WASHC5: variants seen among roughly 807,000 people sequenced by gnomAD.
The protein encoded by WASHC5 is WASH complex subunit strumpellin.
A neutral mutation model predicts 150.4 loss-of-function variants in WASHC5; 101 were observed. The ratio of observed to expected loss-of-function variants is 0.67; its 90% CI spans 0.57 to 0.79. The LOEUF (loss-of-function observed/expected upper bound fraction) is 0.79, where lower values mean the gene tolerates loss of function less well. Ranked by LOEUF, WASHC5 falls within the 30% of genes least tolerant of loss-of-function variation. WASHC5 has a pLI of 0.00. For missense variants in WASHC5, 1,195 were observed against 1,396.3 expected, an observed-to-expected ratio of 0.86 and a Z score of 2.30; for synonymous variants, 467 against 491.2, an observed-to-expected ratio of 0.95 and a Z score of 0.65.
Position 125,056,742 on chromosome 8 carries a change from C to T in WASHC5, c.1951G>A (p.Glu651Lys), listed in dbSNP as rs1208400522. 1 of 1,614,066 alleles carries T rather than the reference C, an allele frequency of 6.2e-7. No individual in the cohort carries two copies. The change falls in exon 16 of 29, where the codon GAA becomes AAA. Residue 651 changes from glutamate (E) to lysine (K), a missense_variant. By Grantham distance (56) the Glu-to-Lys change is moderately conservative. Around this residue, in one of 3 missense-constraint regions of WASHC5, gnomAD observed 997 missense variants for 1,168.1 expected, o/e 0.85. Transcript: ENST00000318410. ...TCTTTGTCCAGGCGGGTAGGCACTT[C>T]AATAATGTCGTGGGTCTGAAGCTTT... ...IIKLQTHDII[E>K]VPTRLDKDKL...
chr8:125,044,883 A>G (rs1405457302), intron 20 of WASHC5, 185 bp from the exon 21 acceptor site: 9 of 668,520 alleles, frequency 1.3e-5, no homozygotes, highest in Non-Finnish European at 2.4e-5. Context: ...ACAGGAAGGT[A>G]AAATTCAGTC....
Position 125,076,338 on chromosome 8 carries a change from C to T in WASHC5, c.864+10G>A. The T allele has an allele frequency of 1.2e-6, 2 of 1,613,306 alleles. No individual in the cohort carries two copies. The highest frequency in any genetic ancestry group is 1.7e-6 in the Non-Finnish European group (2 of 1,179,400). On this transcript the variant is annotated intron_variant, in intron 7 of 28. Transcript: ENST00000318410. ...ATTTACTGTAGAGGAAAAAAATTAG[C>T]AATACTTGCCCAATTATCTGGAAAG...
At chr8:125,062,069 ACTT>A (rs1816609797) in intron 11 of WASHC5, among the ~76,000 whole-genome samples, 1 of 152,012 alleles carries the variant, frequency 6.6e-6, no homozygotes, top group Admixed American at 6.5e-5. Flanking sequence ...GGCCTTAAAG[ACTT>A]ACGATCTAAG....
rs750842571 is a variant in WASHC5 at position 125,037,276 on chromosome 8, T to C, written c.3142A>G (p.Ile1048Val). ...TATTGAAGTTTTGGCAACTGAGCGA[T>C]CAAAAATAGAAAGTTTACAATTGGA... ...YFPIVNFLFLIAQLPKLQYNK... is the reference protein window; with the variant it reads ...YFPIVNFLFLVAQLPKLQYNK... Residue 1048 changes from isoleucine to valine, a missense_variant, in exon 26 of 29, where the codon ATC (isoleucine) becomes GTC (valine). Ile to Val is a conservative substitution (Grantham distance 29, BLOSUM62 3). Transcript: ENST00000318410. 8 of 1,612,538 alleles carry C rather than the reference T, an allele frequency of 5.0e-6. No homozygotes were observed. Among genetic ancestry groups the C allele is most frequent in the Non-Finnish European group, 6.8e-6 (8 of 1,178,768 alleles).
At chr8:125,040,140 T>A (rs1563612124) in intron 23 of WASHC5, among the ~76,000 whole-genome samples, 1 of 152,206 alleles carries the variant, frequency 6.6e-6, no homozygotes, top group Non-Finnish European at 1.5e-5. Flanking sequence ...TACCCCAAAG[T>A]CTATGATTCA....
At chr8:125,049,273 A>G in intron 18 of WASHC5, 88 bp from the exon 19 acceptor site, 1 of 1,429,492 alleles carries the variant, frequency 7.0e-7, no homozygotes, top group South Asian at 1.2e-5. Context: ...TAAATAGTAT[A>G]GCAGGCCAGA....
intron 17 of WASHC5, among the ~76,000 whole-genome samples, chr8:125,052,604 C>T (rs992509114): frequency 1.9e-5 from 2 of 103,186 alleles, no homozygotes; most frequent in African/African-American, 7.3e-5. Context: ...GTATATCACA[C>T]ACACTACACA....
chr8:125,090,610 G>C (rs897708273), intron 1 of WASHC5, among the ~76,000 whole-genome samples: 7 of 152,124 alleles, frequency 4.6e-5, no homozygotes, highest in Non-Finnish European at 1.0e-4. Flanking sequence ...TTTCAGTTTG[G>C]GAAGTAATCC....
chr8:125,085,501 C>T lies in WASHC5; in HGVS notation c.-124-1479G>A, dbSNP rs543532973. Among the ~76,000 whole-genome samples the T allele has an allele frequency of 1.4e-4, 21 of 152,140 alleles. No individual in the cohort carries two copies. In the South Asian group the frequency reaches 1.5e-3, roughly 11 times the overall value. The stretch of plus-strand genomic sequence containing the variant: ...GAGAGAACAGAGAGAGAAGCGGAGG[C>T]AGAAGCCAAGTAACAAGGAAAAGGG... On this transcript the variant is annotated intron_variant, in intron 1 of 28. Coordinates refer to ENST00000318410, the MANE Select transcript of WASHC5 (RefSeq NM_014846.4).
chr8:125,047,712 A>G (rs1245795958), intron 19 of WASHC5, among the ~76,000 whole-genome samples: 1 of 152,106 alleles, frequency 6.6e-6, no homozygotes, highest in Non-Finnish European at 1.5e-5. Context: ...TGCTGGGATT[A>G]TAGGCGTGTG....
intron 1 of WASHC5, among the ~76,000 whole-genome samples, chr8:125,084,245 C>A (rs1220172334): frequency 1.3e-5 from 2 of 152,212 alleles, no homozygotes; most frequent in Non-Finnish European, 2.9e-5. Flanking sequence ...TTAGTCACTT[C>A]TCTTGAGAAA....
chr8:125,079,021 A>G, intron 5 of WASHC5, 91 bp from the exon 6 acceptor site: 1 of 1,066,000 alleles, frequency 9.4e-7, no homozygotes, highest in Non-Finnish European at 1.4e-6. Context: ...TTCTACTTTG[A>G]CTCAATATAG....
intron 16 of WASHC5, 110 bp downstream of exon 16, chr8:125,056,567 G>C (rs1816412204): frequency 8.1e-7 from 1 of 1,237,668 alleles, no homozygotes. Context: ...GAGACAACAA[G>C]TCAGAATTGG....
chr8:125,088,778 T>C (rs1817505051), intron 1 of WASHC5, among the ~76,000 whole-genome samples: 1 of 152,150 alleles, frequency 6.6e-6, no homozygotes, highest in African/African-American at 2.4e-5. Context: ...CCATAGATGC[T>C]ATAAAGCTTA....
chr8:125,082,823 C>A, intron 3 of WASHC5: 1 of 352,504 alleles, frequency 2.8e-6, no homozygotes, highest in Non-Finnish European at 5.1e-6. Context: ...GTTCTTTTTC[C>A]CACTTTTCAC....
At chr8:125,038,735 C>T (rs1815789046) in intron 25 of WASHC5, 95 bp downstream of exon 25, 4 of 1,472,530 alleles carry the variant, frequency 2.7e-6, no homozygotes, top group Non-Finnish European at 3.8e-6. Context: ...GGTCTGAACC[C>T]AGGTTCCTCT....
At chr8:125,052,611 C>CAT (rs1816276253) in intron 17 of WASHC5, among the ~76,000 whole-genome samples, 2 of 119,566 alleles carry the variant, frequency 1.7e-5, no homozygotes, top group African/African-American at 9.2e-5. Context: ...ACACACACTA[C>CAT]ACACACACAC....
intron 15 of WASHC5, 128 bp downstream of exon 15, chr8:125,057,428 A>AT: frequency 2.8e-6 from 2 of 713,080 alleles, no homozygotes; most frequent in Non-Finnish European, 5.0e-6. Flanking sequence ...GGTGTTGCAA[A>AT]TTTCTGGAAT....
intron 20 of WASHC5, among the ~76,000 whole-genome samples, chr8:125,045,162 G>A (rs1191682317): frequency 6.6e-6 from 1 of 152,194 alleles, no homozygotes; most frequent in Non-Finnish European, 1.5e-5. Flanking sequence ...TGACGACAAA[G>A]CAATTTGCTT....
Sources: gnomAD v4.1 joint callset for allele counts (sites outside exome capture counted in the v4.1 genomes callset) on GRCh38, gnomAD v4.1.1 for gene constraint, gnomAD v4.1.1 regional missense constraint, MANE v1.5 for transcripts, NCBI Gene and HGNC (gene_info 2026-07-23, HGNC 2026-07-21) for gene names.